The following KIAA0232 variants were observed in gnomAD, a reference collection of about 807,000 sequenced individuals.
KIAA0232 encodes the protein uncharacterized protein KIAA0232.
In KIAA0232, 27 loss-of-function variants were observed where a neutral mutation model predicts 122.0. The ratio of observed to expected loss-of-function variants is 0.22; its 90% CI spans 0.16 to 0.31. The LOEUF (loss-of-function observed/expected upper bound fraction) is 0.31. Among genes scored for constraint, KIAA0232 ranks in the 10% least tolerant of loss-of-function variants. The probability of loss-of-function intolerance (pLI) is 1.00; values close to 1 mark genes in which losing one functional copy is unlikely to be tolerated. For synonymous variants in KIAA0232, 613 were observed against 587.6 expected, an observed-to-expected ratio of 1.04 and a Z score of -0.63; for missense variants, 1,551 against 1,634.2, an observed-to-expected ratio of 0.95 and a Z score of 0.88.
At chr4:6,876,323 C>G (rs1490544052) in intron 8 of KIAA0232, among the ~76,000 whole-genome samples, 1 of 152,200 alleles carries the variant, frequency 6.6e-6, no homozygotes, top group African/African-American at 2.4e-5. Context: ...GTGGGTCTCT[C>G]TGTCGTGTGT....
chr4:6,803,302 T>C (rs779537142), intron 1 of KIAA0232, among the ~76,000 whole-genome samples: 1 of 151,856 alleles, frequency 6.6e-6, no homozygotes, highest in Non-Finnish European at 1.5e-5. Flanking sequence ...GTTGGAAATA[T>C]AGATTGAGAA....
chr4:6,789,387 C>A (rs1716783962), intron 1 of KIAA0232, among the ~76,000 whole-genome samples: 1 of 151,826 alleles, frequency 6.6e-6, no homozygotes, highest in African/African-American at 2.4e-5. Context: ...GATTCTCCTG[C>A]CTCAGACTCC....
chr4:6,859,373 A>T (rs1396426132), intron 6 of KIAA0232, among the ~76,000 whole-genome samples: 1 of 152,152 alleles, frequency 6.6e-6, no homozygotes, highest in Non-Finnish European at 1.5e-5. Flanking sequence ...GTTTGTATAG[A>T]CCTGTATTAT....
chr4:6,788,386 T>A (rs2108859035), intron 1 of KIAA0232, among the ~76,000 whole-genome samples: 1 of 152,346 alleles, frequency 6.6e-6, no homozygotes, highest in African/African-American at 2.4e-5. Context: ...GGCAGACTAC[T>A]CTGAAATATC....
chr4:6,848,134 AAGTAG>A (rs1285248418), intron 4 of KIAA0232, among the ~76,000 whole-genome samples: 10 of 152,358 alleles, frequency 6.6e-5, no homozygotes, highest in African/African-American at 2.2e-4. Context: ...CTTACACCCT[AAGTAG>A]AGTAGAGTCT....
At chr4:6,793,587 C>A (rs1717002125) in intron 1 of KIAA0232, among the ~76,000 whole-genome samples, 1 of 152,132 alleles carries the variant, frequency 6.6e-6, no homozygotes. Context: ...GTTTATTCAT[C>A]AGTCAGGTTC....
chr4:6,873,713 T>G (rs1577419713), intron 8 of KIAA0232, among the ~76,000 whole-genome samples: 1 of 152,308 alleles, frequency 6.6e-6, no homozygotes, highest in East Asian at 1.9e-4. Flanking sequence ...CATAATATTT[T>G]TGTTTTTACA....
intron 3 of KIAA0232, among the ~76,000 whole-genome samples, chr4:6,829,089 A>T (rs888605999): frequency 7.2e-5 from 11 of 152,060 alleles, no homozygotes; most frequent in Non-Finnish European, 1.6e-4. Flanking sequence ...GCATCTCATG[A>T]CATGGACACT....
chr4:6,790,538 A>G (rs1338413231), intron 1 of KIAA0232, among the ~76,000 whole-genome samples: 1 of 150,614 alleles, frequency 6.6e-6, no homozygotes, highest in Non-Finnish European at 1.5e-5. Flanking sequence ...TCATGTTACC[A>G]CTCCTGGCTA....
chr4:6,871,775 C>A, intron 8 of KIAA0232, 93 bp downstream of exon 8: 1 of 790,682 alleles, frequency 1.3e-6, no homozygotes, highest in Non-Finnish European at 2.1e-6. Context: ...GTCCAAGAAA[C>A]ATTTACCAAG....
At chr4:6,788,970 T>TC (rs1716756146) in intron 1 of KIAA0232, among the ~76,000 whole-genome samples, 2 of 151,678 alleles carry the variant, frequency 1.3e-5, no homozygotes, top group Non-Finnish European at 2.9e-5. Flanking sequence ...TTTCTTTCTT[T>TC]TTTTTTTATT....
intron 3 of KIAA0232, among the ~76,000 whole-genome samples, chr4:6,838,849 C>T (rs1719490690): frequency 6.6e-6 from 1 of 151,050 alleles, no homozygotes; most frequent in South Asian, 2.1e-4. Context: ...ATAAAGCTGG[C>T]CAGGTGAGGT....
At position 6,861,341 on chromosome 4, in the gene KIAA0232, G is replaced by C. The variant is rs753792718; in HGVS notation, c.959G>C (p.Arg320Pro). 20 of 1,613,998 alleles carry C rather than the reference G, an allele frequency of 1.2e-5. No individual in the cohort carries two copies. In the Admixed American group the frequency reaches 3.0e-4, roughly 24 times the overall value. ...TATGTTAAAGTAAGACACAAGGCAC[G>C]AGAGATTCGAAACAAAAAAGGGCGG... is the stretch of plus-strand genomic sequence containing the variant. The part of the protein sequence containing the change: ...MKYVKVRHKA[R>P]EIRNKKGRNG... Residue 320 changes from arginine (R) to proline (P), a missense_variant, in exon 7 of 10, where the codon CGA (arginine) becomes CCA (proline). Physicochemically the swap from Arg to Pro is moderately radical, Grantham distance 103 (BLOSUM62 -2). Coordinates refer to ENST00000307659, the MANE Select transcript of KIAA0232 (RefSeq NM_014743.3).
intron 4 of KIAA0232, among the ~76,000 whole-genome samples, chr4:6,845,645 C>G (rs1719915255): frequency 6.6e-6 from 1 of 151,568 alleles, no homozygotes; most frequent in African/African-American, 2.4e-5. Flanking sequence ...TGAGCAAAAT[C>G]CAAAGAAGCT....
chr4:6,850,672 C>CTT (rs373194091), intron 4 of KIAA0232, among the ~76,000 whole-genome samples: 6 of 139,916 alleles, frequency 4.3e-5, no homozygotes, highest in Non-Finnish European at 3.1e-5. Context: ...AAGGAACATT[C>CTT]TTTTTTTTTT....
In KIAA0232 at chr4:6,798,409, A is replaced by T. The variant is rs969028915; in HGVS notation, c.-353-6114A>T. Among the ~76,000 whole-genome samples, 3 of 152,276 alleles carry T rather than the reference A, an allele frequency of 2.0e-5. No individual in the cohort carries two copies. In the East Asian group the frequency reaches 5.8e-4, roughly 29 times the overall value. Reference sequence around the variant, plus strand: ...GGGTATTGGCCATCCCCTGCTCCTCACCTGTCCCACCTTAACCTGTGTAGT... The same window carrying T: ...GGGTATTGGCCATCCCCTGCTCCTCTCCTGTCCCACCTTAACCTGTGTAGT... On this transcript the variant is annotated intron_variant, in intron 1 of 9. Transcript: ENST00000307659.
intron 9 of KIAA0232, among the ~76,000 whole-genome samples, chr4:6,877,869 A>C (rs1218492667): frequency 6.6e-6 from 1 of 152,136 alleles, no homozygotes; most frequent in East Asian, 1.9e-4. Context: ...TCAAGTTGAC[A>C]CTCAGTATTA....
intron 1 of KIAA0232, among the ~76,000 whole-genome samples, chr4:6,801,486 C>T (rs964880008): frequency 1.3e-5 from 2 of 151,964 alleles, no homozygotes; most frequent in African/African-American, 2.4e-5. Context: ...CCTAGGAGTT[C>T]GTGACCAGCC....
chr4:6,880,707 C>A, intron 9 of KIAA0232, 80 bp from the exon 10 acceptor site: 1 of 930,690 alleles, frequency 1.1e-6, no homozygotes, highest in Non-Finnish European at 1.5e-6. Context: ...ATTATTTCTT[C>A]TTTGTATATA....
Sources: allele counts gnomAD v4.1 joint callset (sites outside exome capture counted in the v4.1 genomes callset), GRCh38; gene constraint gnomAD v4.1.1; transcripts MANE v1.5; gene names NCBI Gene and HGNC (gene_info 2026-07-23, HGNC 2026-07-21).